CDC27: variants seen among roughly 807,000 people sequenced by gnomAD.
CDC27 encodes the protein cell division cycle protein 27 homolog.
A neutral mutation model predicts 109.7 loss-of-function variants in CDC27; 27 were observed. That is an observed-to-expected ratio of 0.25 (90% CI 0.18 to 0.34). The LOEUF is 0.34. CDC27 is among the 10% of genes least tolerant of loss of function. The probability of loss-of-function intolerance (pLI) is 1.00; values close to 1 mark genes in which losing one functional copy is unlikely to be tolerated. For synonymous variants in CDC27, 266 were observed against 333.9 expected (o/e 0.80, Z 2.22); for missense variants, 579 against 960.2 (o/e 0.60, Z 5.25).
intron 10 of CDC27, 36 bp from the exon 11 acceptor site, chr17:47,142,472 C>T: frequency 1.2e-6 from 1 of 842,034 alleles, no homozygotes; most frequent in Non-Finnish European, 1.9e-6. Flanking sequence ...CTGTTATACT[C>T]ATGTATTTTA....
intron 4 of CDC27, among the ~76,000 whole-genome samples, chr17:47,169,645 CAAAAA>C (rs373074410): frequency 3.3e-5 from 2 of 60,166 alleles, no homozygotes; most frequent in African/African-American, 1.1e-4. Context: ...AACTCCATCT[CAAAAA>C]AAAAAAAAAA....
chr17:47,183,143 CT>C (rs535068427), intron 1 of CDC27, among the ~76,000 whole-genome samples: 28 of 152,240 alleles, frequency 1.8e-4, no homozygotes, highest in Admixed American at 7.8e-4. Context: ...TAATAAACTA[CT>C]TTTGAGATAT....
intron 3 of CDC27, 116 bp from the exon 4 acceptor site, chr17:47,170,158 T>A: frequency 1.5e-6 from 1 of 673,026 alleles, no homozygotes; most frequent in East Asian, 3.1e-5. Flanking sequence ...TTTCTCTCTC[T>A]CTCTTTCCTT....
At chr17:47,171,261 G>A (rs1282328234) in intron 3 of CDC27, among the ~76,000 whole-genome samples, 1 of 152,160 alleles carries the variant, frequency 6.6e-6, no homozygotes, top group Non-Finnish European at 1.5e-5. Flanking sequence ...ATTAGTCACT[G>A]GACAGATAAT....
chr17:47,121,637 C>T (rs929340818), intron 18 of CDC27, among the ~76,000 whole-genome samples: 1 of 152,094 alleles, frequency 6.6e-6, no homozygotes, highest in Non-Finnish European at 1.5e-5. Flanking sequence ...GAGACAGGGT[C>T]TCACTGGCTA....
Position 47,122,467 on chromosome 17 carries a change from G to A in CDC27, c.2369C>T (p.Pro790Leu), listed in dbSNP as rs747905668. 6.2e-7 allele frequency: 1 copy of A among 1,603,954 alleles called. No homozygotes were observed. Among genetic ancestry groups the A allele is most frequent in the South Asian group, 1.1e-5 (1 of 89,344 alleles). ...ACTGATCTGTTCTTCTTGGGTTATT[G>A]GCTCCTCATCATCTGGAAGATAACG... ...DKRYLPDDEE[P>L]ITQEEQIMGT... The change falls in exon 18 of 19, where the codon CCA (proline) becomes CTA (leucine). Residue 790 changes from proline to leucine, a missense_variant. By Grantham distance (98) the Pro-to-Leu change is moderately conservative. Coordinates refer to ENST00000066544, the MANE Select transcript of CDC27 (RefSeq NM_001256.6).
chr17:47,129,342 C>A (rs372353301), intron 16 of CDC27, 51 bp downstream of exon 16: 1 of 1,292,712 alleles, frequency 7.7e-7, no homozygotes. Flanking sequence ...CAAGGGATAA[C>A]GTTGTTTTTA....
intron 2 of CDC27, among the ~76,000 whole-genome samples, chr17:47,178,963 G>T (rs960865553): frequency 6.6e-6 from 1 of 152,052 alleles, no homozygotes; most frequent in African/African-American, 2.4e-5. Flanking sequence ...CCACTACACC[G>T]GCTAATTTTG....
intron 10 of CDC27, among the ~76,000 whole-genome samples, chr17:47,143,192 A>G (rs1418407923): frequency 7.0e-6 from 1 of 142,896 alleles, no homozygotes; most frequent in Non-Finnish European, 1.5e-5. Context: ...TCAAACTCCT[A>G]AGCTCAAGTG....
At chr17:47,131,053 G>A (rs961292779) in intron 15 of CDC27, among the ~76,000 whole-genome samples, 1 of 151,996 alleles carries the variant, frequency 6.6e-6, no homozygotes, top group Non-Finnish European at 1.5e-5. Context: ...CCACAGGACT[G>A]AGACCCTAAA....
chr17:47,138,961 G>T, intron 12 of CDC27, 70 bp from the exon 13 acceptor site: 1 of 1,022,154 alleles, frequency 9.8e-7, no homozygotes, highest in Non-Finnish European at 1.4e-6. Flanking sequence ...GGAAAGCCCT[G>T]GTCATTATCT....
rs1568386706 is a variant in CDC27, at chr17:47,138,744, G to C, written c.1699C>G (p.Pro567Ala). The C allele has an allele frequency of 1.2e-6, 2 of 1,609,754 alleles. No individual in the cohort carries two copies. Among genetic ancestry groups the C allele is most frequent in the Non-Finnish European group, 1.7e-6 (2 of 1,178,702 alleles). ...KDLTDMDKNS[P>A]EAWCAAGNCF... ...AAGTATTTTGGTTAACATACCTCTG[G>C]CGAATTTTTATCCATGTCTGTTAAG... Residue 567 changes from proline (P) to alanine (A), a missense_variant, in exon 13 of 19, where the codon CCA becomes GCA. Around this residue, in one of 9 missense-constraint regions of CDC27, gnomAD observed 227 missense variants for 363.6 expected, o/e 0.62. Coordinates refer to ENST00000066544, the MANE Select transcript of CDC27 (RefSeq NM_001256.6).
chr17:47,172,318 G>A (rs1453304667), intron 2 of CDC27, among the ~76,000 whole-genome samples: 1 of 152,088 alleles, frequency 6.6e-6, no homozygotes, highest in Admixed American at 6.6e-5. Context: ...GGTATTCTCT[G>A]TAAATATTTA....
At chr17:47,154,900 C>T in intron 7 of CDC27, 114 bp from the exon 8 acceptor site, 1 of 561,318 alleles carries the variant, frequency 1.8e-6, no homozygotes, top group East Asian at 3.0e-5. Flanking sequence ...GTCTTAGGGA[C>T]AGTGAGGATC....
intron 4 of CDC27, among the ~76,000 whole-genome samples, chr17:47,164,257 G>A (rs2063579278): frequency 1.3e-5 from 2 of 152,286 alleles, no homozygotes; most frequent in Admixed American, 1.3e-4. Context: ...TTGTGCATAT[G>A]CACTTTATGA....
rs777613532 is a variant in CDC27, at chr17:47,151,869, C to T, written c.1007G>A (p.Ser336Asn). ...QTGTKSVFSQ[S>N]GNSREVTPIL... ...TGGAGTTACCTCTCGGCTATTTCCA[C>T]TCTGTGAGAAGACAGACTTTGTTCC... Residue 336 changes from serine to asparagine, a missense_variant, in exon 9 of 19, where the codon AGT becomes AAT. Ser to Asn is a conservative substitution (Grantham distance 46). This residue lies in a region of CDC27 where 74 missense variants were observed against 148.9 expected (regional missense o/e 0.50). Transcript: ENST00000066544. The T allele has an allele frequency of 5.6e-6, 9 of 1,606,306 alleles. No homozygotes were observed. The highest frequency in any genetic ancestry group is 7.7e-6 in the Non-Finnish European group (9 of 1,176,294).
intron 2 of CDC27, among the ~76,000 whole-genome samples, chr17:47,179,050 C>A (rs1043728503): frequency 6.6e-6 from 1 of 152,190 alleles, no homozygotes; most frequent in African/African-American, 2.4e-5. Context: ...GATCTGCCCA[C>A]CTCAGCCTCC....
Position 47,137,169 on chromosome 17 carries a change from A to G in CDC27, c.1896T>C (p.Pro632=). 6.2e-7 allele frequency: 1 copy of G among 1,603,572 alleles called. No homozygotes were observed. The highest frequency in any genetic ancestry group is 1.7e-5 in the Admixed American group (1 of 59,632). The stretch of plus-strand genomic sequence containing the variant: ...CCACTTACCATGCATTATAATGTCT[A>G]GGATTGACTCTGATAGCATTTCGAA... ...ACFRNAIRVN[P]RHYNAWYGLG... is the part of the protein sequence containing the mutation. Residue 632 remains proline (P), a synonymous_variant, in exon 14 of 19, where the codon CCT becomes CCC. Transcript: ENST00000066544.
At chr17:47,177,836 C>G (rs753878999) in intron 2 of CDC27, among the ~76,000 whole-genome samples, 6 of 148,724 alleles carry the variant, frequency 4.0e-5, no homozygotes, top group Non-Finnish European at 5.9e-5. Flanking sequence ...CTGAACATAA[C>G]TCTTATTTTA....
Sources: allele counts gnomAD v4.1 joint callset (sites outside exome capture counted in the v4.1 genomes callset), GRCh38; gene constraint gnomAD v4.1.1; regional missense constraint gnomAD v4.1.1; transcripts MANE v1.5; gene names NCBI Gene and HGNC (gene_info 2026-07-23, HGNC 2026-07-21).